NARF: variants seen among roughly 807,000 people sequenced by gnomAD.
The protein encoded by NARF is iron-only hydrogenase-like protein 2.
In NARF, 41 loss-of-function variants were observed where a neutral mutation model predicts 48.0. The observed-to-expected ratio is 0.85, with a 90% CI of 0.66 to 1.11. The LOEUF (loss-of-function observed/expected upper bound fraction) is 1.11. Among genes scored for constraint, NARF ranks in the 50% least tolerant of loss-of-function variants. The pLI is 0.00. For synonymous variants in NARF, 215 were observed against 225.5 expected (o/e 0.95, Z 0.42); for missense variants, 613 against 590.2 (o/e 1.04, Z -0.40).
chr17:82,478,239 C>T (rs903422659), intron 5 of NARF, among the ~76,000 whole-genome samples: 2 of 152,228 alleles, frequency 1.3e-5, no homozygotes, highest in African/African-American at 4.8e-5. Flanking sequence ...CAGCACTCAA[C>T]CTCAGGAAAG....
In NARF at chr17:82,464,564, A is replaced by G. The variant is rs534278797; in HGVS notation, c.252+134A>G. 1,540 of 1,169,166 alleles carry G rather than the reference A, an allele frequency of 1.3e-3. 2 individuals are homozygous for G. The highest frequency in any genetic ancestry group is 1.6e-3 in the Non-Finnish European group (1,353 of 852,148). The allele number at this position is 1,169,166 out of a possible 1,614,324, so 72.4% of individuals were successfully genotyped here. A position where few individuals can be genotyped will look rare whatever the true frequency, so the allele number is the denominator to read the frequency against. ...TCAGCCTTTTCCTGGTGTTGCTAAC[A>G]TCCTGCTTTGACCTTCCAAACCTCT... On this transcript the variant is annotated intron_variant, in intron 3 of 10. Transcript: ENST00000309794.
At chr17:82,483,570 C>T in intron 7 of NARF, 146 bp from the exon 8 acceptor site, 1 of 666,320 alleles carries the variant, frequency 1.5e-6, no homozygotes, top group Non-Finnish European at 2.7e-6. Context: ...CCTCACTTTG[C>T]CCTTTAGATG....
intron 10 of NARF, 99 bp from the exon 11 acceptor site, chr17:82,487,817 C>T (rs1007348263): frequency 1.1e-5 from 15 of 1,364,820 alleles, no homozygotes; most frequent in South Asian, 6.9e-5. Context: ...AAAAATCAGC[C>T]GGGCAAGGTG....
intron 2 of NARF, chr17:82,464,078 G>A (rs533462261): frequency 2.9e-5 from 16 of 549,484 alleles, no homozygotes; most frequent in African/African-American, 2.9e-4. Flanking sequence ...TGTCATTGTG[G>A]GCTGGGCCCT....
intron 5 of NARF, chr17:82,476,927 C>T (rs2043844736): frequency 1.3e-5 from 2 of 151,784 alleles, no homozygotes; most frequent in South Asian, 4.2e-4. Flanking sequence ...GACAGGGTTT[C>T]ACCATGTTGG....
At chr17:82,473,947 G>C (rs914529060) in intron 5 of NARF, among the ~76,000 whole-genome samples, 1 of 152,142 alleles carries the variant, frequency 6.6e-6, no homozygotes, top group African/African-American at 2.4e-5. Context: ...AATTTAGAAG[G>C]CTGATGTGGG....
chr17:82,471,341 G>A (rs1179445478), intron 4 of NARF, among the ~76,000 whole-genome samples: 1 of 151,090 alleles, frequency 6.6e-6, no homozygotes, highest in African/African-American at 2.4e-5. Flanking sequence ...TGTAGTCCCA[G>A]CTACTTGGGA....
At chr17:82,472,797 C>T (rs2043743554) in intron 5 of NARF, 99 bp downstream of exon 5, 12 of 1,414,980 alleles carry the variant, frequency 8.5e-6, no homozygotes, top group Non-Finnish European at 1.0e-5. Flanking sequence ...ACAGACCCAT[C>T]CCACCCAGCC....
chr17:82,470,211 C>CT (rs1274009837), intron 4 of NARF, among the ~76,000 whole-genome samples: 1 of 152,178 alleles, frequency 6.6e-6, no homozygotes, highest in African/African-American at 2.4e-5. Flanking sequence ...CGCCTGGGCT[C>CT]TAACAAGACC....
At chr17:82,483,098 A>C (rs367944157) in intron 7 of NARF, 1 of 160,510 alleles carries the variant, frequency 6.2e-6, no homozygotes, top group Non-Finnish European at 1.4e-5. Flanking sequence ...CAGGCTGGTC[A>C]CCTGAGGTCA....
intron 4 of NARF, among the ~76,000 whole-genome samples, chr17:82,472,353 G>A (rs1033308418): frequency 1.3e-5 from 2 of 151,794 alleles, no homozygotes; most frequent in African/African-American, 2.4e-5. Context: ...GCATGATGGC[G>A]GGCACCTGTA....
At chr17:82,458,958 C>T (rs1423681959) in intron 1 of NARF, 128 bp downstream of exon 1, 10 of 1,221,690 alleles carry the variant, frequency 8.2e-6, no homozygotes, top group Admixed American at 4.3e-5. Flanking sequence ...CCGGCCTCGG[C>T]ACCCTGGGCC....
Position 82,488,647 on chromosome 17 carries a change from G to T in NARF, c.*490G>T, listed in dbSNP as rs975666174. The T allele has an allele frequency of 1.3e-5, 2 of 159,840 alleles. No individual in the cohort carries two copies. Among genetic ancestry groups the T allele is most frequent in the African/African-American group, 4.8e-5 (2 of 41,496 alleles). 9.9% of individuals were successfully genotyped at this position (159,840 alleles called of 1,614,324 possible). ...CTTGGCCTCCCAAAGTGCCAGGACT[G>T]CAGGCATGAGCCACCGTGCCTGGCA... On this transcript the variant is annotated 3_prime_UTR_variant, in exon 11 of 11. Transcript: ENST00000309794.
At chr17:82,484,980 G>T (rs746303780) in intron 9 of NARF, 30 bp downstream of exon 9, 3 of 1,572,404 alleles carry the variant, frequency 1.9e-6, no homozygotes, top group South Asian at 2.4e-5. Flanking sequence ...GCCTGTCTGT[G>T]CCTGTGGTTA....
intron 5 of NARF, among the ~76,000 whole-genome samples, chr17:82,476,058 AGTGCATTGG>A (rs1260923016): frequency 1.3e-5 from 2 of 152,068 alleles, no homozygotes; most frequent in African/African-American, 4.8e-5. Flanking sequence ...CCCAGGCTGG[AGTGCATTGG>A]TGTGATCTTG....
intron 6 of NARF, 59 bp downstream of exon 6, chr17:82,478,977 G>C: frequency 6.6e-7 from 1 of 1,505,724 alleles, no homozygotes; most frequent in East Asian, 2.3e-5. Context: ...TGGCACAGGG[G>C]CCCAGGAAGG....
At chr17:82,459,009 C>T (rs996819504) in intron 1 of NARF, 179 bp downstream of exon 1, 5 of 1,210,888 alleles carry the variant, frequency 4.1e-6, no homozygotes, top group Non-Finnish European at 5.1e-6. Context: ...CCGCTGCGCT[C>T]TGCAGGGCGG....
intron 5 of NARF, chr17:82,477,671 C>G (rs961113309): frequency 6.6e-6 from 1 of 152,296 alleles, no homozygotes; most frequent in South Asian, 2.1e-4. Flanking sequence ...TGCACCACCA[C>G]GCCTGGATGA....
At chr17:82,472,360 T>G (rs2043729930) in intron 4 of NARF, among the ~76,000 whole-genome samples, 1 of 151,918 alleles carries the variant, frequency 6.6e-6, no homozygotes, top group African/African-American at 2.4e-5. Flanking sequence ...GGCGGGCACC[T>G]GTAATCCCAG....
Sources: gnomAD v4.1 joint callset for allele counts (sites outside exome capture counted in the v4.1 genomes callset) on GRCh38, gnomAD v4.1.1 for gene constraint, MANE v1.5 for transcripts, NCBI Gene and HGNC (gene_info 2026-07-23, HGNC 2026-07-21) for gene names.